SNRNP48: variants seen among roughly 807,000 people sequenced by gnomAD.
SNRNP48 encodes small nuclear ribonucleoprotein U11/U12 subunit 48, also known as U11/U12 small nuclear ribonucleoprotein 48 kDa protein.
A neutral mutation model predicts 47.0 loss-of-function variants in SNRNP48; 43 were observed. The ratio of observed to expected loss-of-function variants is 0.92; its 90% CI spans 0.72 to 1.18. SNRNP48 has a LOEUF of 1.18. SNRNP48 is among the 50% of genes most tolerant of loss of function. The probability of loss-of-function intolerance (pLI) is 0.00; values close to 1 mark genes in which losing one functional copy is unlikely to be tolerated. For synonymous variants in SNRNP48, 138 were observed against 144.0 expected (o/e 0.96, Z 0.30); for missense variants, 396 against 422.2 (o/e 0.94, Z 0.54).
At position 7,609,034 on chromosome 6, in the gene SNRNP48, ATG is replaced by A. The variant is rs1760184111; in HGVS notation, c.*162_*163del. ...TAGTGCTTATTATTTTCCAGTAAAT[ATG>A]CTTCAAACCATGAGTACACTATTAG... On this transcript the variant is annotated 3_prime_UTR_variant, in exon 9 of 9. Transcript: ENST00000342415. The A allele has an allele frequency of 5.4e-6, 2 of 368,144 alleles. No homozygotes were observed. The highest frequency in any genetic ancestry group is 1.0e-5 in the Non-Finnish European group (2 of 200,048). The allele number at this position is 368,144 out of a possible 1,614,324, so 22.8% of individuals were successfully genotyped here.
chr6:7,606,062 T>C lies in SNRNP48; in HGVS notation c.838T>C (p.Ser280Pro). The change falls in exon 8 of 9, where the codon TCA (serine) becomes CCA (proline). Residue 280 changes from serine to proline, a missense_variant. By Grantham distance (74) the Ser-to-Pro change is moderately conservative (BLOSUM62 -1). Coordinates refer to ENST00000342415, the MANE Select transcript of SNRNP48 (RefSeq NM_152551.4). ...NEERRSASVDSRQSGGSYLDA... is the reference protein window; with the variant it reads ...NEERRSASVDPRQSGGSYLDA... ...AGAAAGGCGATCAGCTTCAGTAGAT[T>C]CACGGCAGTCTGGTGGAAGCTATTT... 1.2e-6 allele frequency: 2 copies of C among 1,609,910 alleles called. No individual in the cohort carries two copies. The highest frequency in any genetic ancestry group is 1.7e-6 in the Non-Finnish European group (2 of 1,179,036).
chr6:7,605,768 A>G (rs954406521), intron 7 of SNRNP48, among the ~76,000 whole-genome samples: 6 of 152,198 alleles, frequency 3.9e-5, no homozygotes, highest in African/African-American at 4.8e-5. Context: ...AACACCAAGC[A>G]TGTGGGAGTT....
At chr6:7,590,744 A>G (rs551821646) in intron 1 of SNRNP48, among the ~76,000 whole-genome samples, 2 of 152,308 alleles carry the variant, frequency 1.3e-5, no homozygotes, top group South Asian at 4.1e-4. Flanking sequence ...TTGAGAGGCC[A>G]AGGCGGGAGG....
chr6:7,598,048 T>C (rs1317383060), intron 4 of SNRNP48, among the ~76,000 whole-genome samples: 1 of 151,666 alleles, frequency 6.6e-6, no homozygotes, highest in East Asian at 2.0e-4. Context: ...TGTATTTTTT[T>C]AGTAGAGACG....
Position 7,605,909 on chromosome 6 carries a change from A to G in SNRNP48, c.807-122A>G. 2.9e-6 allele frequency: 3 copies of G among 1,048,982 alleles called. No individual in the cohort carries two copies. In the South Asian group the frequency reaches 5.3e-5, roughly 18 times the overall value. The allele number at this position is 1,048,982 out of a possible 1,614,324, so 65.0% of individuals were successfully genotyped here. On this transcript the variant is annotated intron_variant, in intron 7 of 8. Transcript: ENST00000342415. ...TTATATGGGTTATAAGATTGTGCATATTTAGACCATATCTACCATTGGTTT... is the reference window on the plus strand; with the variant it reads ...TTATATGGGTTATAAGATTGTGCATGTTTAGACCATATCTACCATTGGTTT...
rs1479737697 is a variant in SNRNP48, at chr6:7,611,033, T to G, written c.*2160T>G. The G allele has an allele frequency of 6.6e-6, 1 of 152,240 alleles. No homozygotes were observed. Among genetic ancestry groups the G allele is most frequent in the Non-Finnish European group, 1.5e-5 (1 of 68,066 alleles). 9.4% of individuals were successfully genotyped at this position (152,240 alleles called of 1,614,324 possible). On this transcript the variant is annotated 3_prime_UTR_variant, in exon 9 of 9. Coordinates refer to ENST00000342415, the MANE Select transcript of SNRNP48 (RefSeq NM_152551.4). ...ATAATTACTATAGCTGCTGTCCATC[T>G]TGCCCATCCATTAAGGTACCTTCTC...
Position 7,610,982 on chromosome 6 carries a change from T to G in SNRNP48, c.*2109T>G, listed in dbSNP as rs906516341. On this transcript the variant is annotated 3_prime_UTR_variant, in exon 9 of 9. Transcript: ENST00000342415. ...CACAGCCCTGCCACATAAGATCTAG[T>G]TTTTATTTCTAGAGTGCTGCTATGA... The G allele has an allele frequency of 1.1e-4, 16 of 152,192 alleles. No homozygotes were observed. The highest frequency in any genetic ancestry group is 3.9e-4 in the African/African-American group (16 of 41,446). 9.4% of individuals were successfully genotyped at this position (152,192 alleles called of 1,614,324 possible). A position where few individuals can be genotyped will look rare whatever the true frequency, so the allele number is the denominator to read the frequency against.
intron 8 of SNRNP48, among the ~76,000 whole-genome samples, chr6:7,607,680 A>G (rs549002043): frequency 6.6e-6 from 1 of 152,296 alleles, no homozygotes; most frequent in African/African-American, 2.4e-5. Context: ...TCTTGAGCTT[A>G]ATAGTTATTA....
intron 4 of SNRNP48, among the ~76,000 whole-genome samples, chr6:7,597,925 G>A (rs1174787666): frequency 6.7e-6 from 1 of 148,596 alleles, no homozygotes; most frequent in Non-Finnish European, 1.5e-5. Flanking sequence ...GAGTTTAGTG[G>A]CACAATCTCT....
intron 8 of SNRNP48, among the ~76,000 whole-genome samples, chr6:7,607,518 G>A (rs1374157844): frequency 6.6e-6 from 1 of 152,064 alleles, no homozygotes; most frequent in African/African-American, 2.4e-5. Flanking sequence ...TTTGTGTTCT[G>A]CTGCCTACCT....
intron 1 of SNRNP48, among the ~76,000 whole-genome samples, chr6:7,591,191 T>C (rs1759811551): frequency 6.6e-6 from 1 of 152,200 alleles, no homozygotes; most frequent in Admixed American, 6.5e-5. Context: ...GCCTTAAAAT[T>C]GGACACTTCT....
intron 8 of SNRNP48, among the ~76,000 whole-genome samples, chr6:7,608,377 T>A (rs1177449245): frequency 2.0e-5 from 3 of 152,024 alleles, no homozygotes; most frequent in Non-Finnish European, 4.4e-5. Context: ...GTCAACATGG[T>A]GAAACCCTGA....
chr6:7,600,303 C>A, intron 4 of SNRNP48: 1 of 674,814 alleles, frequency 1.5e-6, no homozygotes, highest in South Asian at 6.5e-5. Flanking sequence ...TATTTGAATT[C>A]TTTTTGCCTC....
In SNRNP48 at chr6:7,610,851, A is replaced by T. The variant is rs1201091735; in HGVS notation, c.*1978A>T. ...GTTTGTGGTTTGAGCCTTTCACTGG[A>T]TGTGAGCTACTTGAGAGCAGGGTTT... On this transcript the variant is annotated 3_prime_UTR_variant, in exon 9 of 9. Transcript: ENST00000342415. The T allele has an allele frequency of 6.6e-6, 1 of 152,132 alleles. No homozygotes were observed. The highest frequency in any genetic ancestry group is 2.4e-5 in the African/African-American group (1 of 41,394). 9.4% of individuals were successfully genotyped at this position (152,132 alleles called of 1,614,324 possible). A position where few individuals can be genotyped will look rare whatever the true frequency, so the allele number is the denominator to read the frequency against.
chr6:7,601,235 A>G, intron 4 of SNRNP48, 101 bp from the exon 5 acceptor site: 1 of 904,774 alleles, frequency 1.1e-6, no homozygotes, highest in South Asian at 2.0e-5. Context: ...AGTTTGTGTT[A>G]ATATTGCATT....
chr6:7,601,299 T>G, intron 4 of SNRNP48, 37 bp from the exon 5 acceptor site: 1 of 1,464,664 alleles, frequency 6.8e-7, no homozygotes, highest in Non-Finnish European at 9.2e-7. Context: ...CAATGCTTCA[T>G]GTATTGTTTA....
At chr6:7,606,416 C>G (rs946749096) in intron 8 of SNRNP48, among the ~76,000 whole-genome samples, 66 of 152,268 alleles carry the variant, frequency 4.3e-4, no homozygotes, top group African/African-American at 1.5e-3. Flanking sequence ...ATGTTTTTTT[C>G]CCTTTTTTAT....
At chr6:7,592,505 C>G (rs1464101451) in intron 1 of SNRNP48, among the ~76,000 whole-genome samples, 2 of 151,894 alleles carry the variant, frequency 1.3e-5, no homozygotes, top group East Asian at 3.9e-4. Flanking sequence ...GTACCAGGCC[C>G]TATTTGAATT....
Position 7,606,198 on chromosome 6 carries a change from G to C in SNRNP48, c.971+3G>C. 2 of 1,606,202 alleles carry C rather than the reference G, an allele frequency of 1.2e-6. No individual in the cohort carries two copies. The highest frequency in any genetic ancestry group is 1.7e-6 in the Non-Finnish European group (2 of 1,177,182). On this transcript the variant is annotated splice_donor_region_variant and intron_variant, in intron 8 of 8. Coordinates refer to ENST00000342415, the MANE Select transcript of SNRNP48 (RefSeq NM_152551.4). Reference sequence around the variant, plus strand: ...GAGTCGAGAAGAAGGAAAGAGAGGTGGGTCTAACCCTGCATCATCCAACGT... The same window carrying C: ...GAGTCGAGAAGAAGGAAAGAGAGGTCGGTCTAACCCTGCATCATCCAACGT...
Sources: gnomAD v4.1 joint callset for allele counts (sites outside exome capture counted in the v4.1 genomes callset) on GRCh38, gnomAD v4.1.1 for gene constraint, MANE v1.5 for transcripts, NCBI Gene and HGNC (gene_info 2026-07-23, HGNC 2026-07-21) for gene names.